AKTIP: variants seen among roughly 807,000 people sequenced by gnomAD.
AKTIP encodes AKT interacting protein, also known as AKT-interacting protein.
In AKTIP, 16 loss-of-function variants were observed where a neutral mutation model predicts 39.1. That is an observed-to-expected ratio of 0.41 (90% CI 0.28 to 0.62). The LOEUF (loss-of-function observed/expected upper bound fraction) is 0.62. Among genes scored for constraint, AKTIP ranks in the 20% least tolerant of loss-of-function variants. The pLI, the probability that AKTIP is intolerant of heterozygous loss-of-function variation, is 0.32. For synonymous variants in AKTIP, 93 were observed against 124.3 expected (o/e 0.75, Z 1.67); for missense variants, 262 against 356.6 (o/e 0.73, Z 2.14).
intron 2 of AKTIP, 120 bp downstream of exon 2, chr16:53,500,098 C>T (rs1227268940): frequency 4.4e-6 from 3 of 679,984 alleles, no homozygotes; most frequent in Middle Eastern, 2.5e-4. Flanking sequence ...ACTAGAAAAA[C>T]CAGGTAATTT....
Position 53,492,348 on chromosome 16 carries a change from T to C in AKTIP, c.*64A>G, listed in dbSNP as rs1234797310. The C allele has an allele frequency of 2.2e-6, 3 of 1,394,360 alleles. No individual in the cohort carries two copies. Among genetic ancestry groups the C allele is most frequent in the Non-Finnish European group, 2.0e-6 (2 of 988,662 alleles). The allele number at this position is 1,394,360 out of a possible 1,614,324, so 86.4% of individuals were successfully genotyped here. On this transcript the variant is annotated 3_prime_UTR_variant, in exon 10 of 10. Coordinates refer to ENST00000394657, the MANE Select transcript of AKTIP (RefSeq NM_022476.4). ...TACTCTTCAGGCAGTCCTCTGCCATTGGTCAGCTTGAACTAGGCCAGAGTC... is the reference window on the plus strand; with the variant it reads ...TACTCTTCAGGCAGTCCTCTGCCATCGGTCAGCTTGAACTAGGCCAGAGTC...
At chr16:53,503,681 T>TG (rs1962322838), upstream of AKTIP, among the ~76,000 whole-genome samples, 1 of 152,108 alleles carries the variant, frequency 6.6e-6, no homozygotes, top group Admixed American at 6.5e-5. Context: ...GCCAAGCTTT[T>TG]GGGGAGGGCC....
At chr16:53,499,711 C>G (rs548957007) in intron 2 of AKTIP, among the ~76,000 whole-genome samples, 1 of 152,020 alleles carries the variant, frequency 6.6e-6, no homozygotes, top group African/African-American at 2.4e-5. Flanking sequence ...CTGCCCGCCT[C>G]GGCCTCTCAA....
Position 53,498,747 on chromosome 16 carries a change from G to A in AKTIP, c.43-151C>T, listed in dbSNP as rs1598158259. ...AGATGACTAGAAAGTCCTTTGGGCA[G>A]GCAGGTCATATAAAGAGAAGACAAA... On this transcript the variant is annotated intron_variant, in intron 2 of 9. Coordinates refer to ENST00000394657, the MANE Select transcript of AKTIP (RefSeq NM_022476.4). The A allele has an allele frequency of 3.9e-6, 3 of 767,042 alleles. No individual in the cohort carries two copies. The East Asian group carries it at 7.9e-5, about 20-fold the overall frequency. The allele number at this position is 767,042 out of a possible 1,614,324, so 47.5% of individuals were successfully genotyped here.
chr16:53,502,228 C>T (rs1341413960), intron 1 of AKTIP, among the ~76,000 whole-genome samples: 2 of 152,222 alleles, frequency 1.3e-5, no homozygotes, highest in Non-Finnish European at 2.9e-5. Flanking sequence ...TTTCCAGCAG[C>T]AACATAATCA....
chr16:53,497,231 G>A (rs1328751055), intron 3 of AKTIP, among the ~76,000 whole-genome samples: 3 of 152,132 alleles, frequency 2.0e-5, no homozygotes, highest in East Asian at 1.9e-4. Context: ...TGGAGCCCCC[G>A]TGTGTGCCAG....
chr16:53,497,167 TTC>T (rs1199428850), intron 3 of AKTIP, among the ~76,000 whole-genome samples: 4 of 152,162 alleles, frequency 2.6e-5, no homozygotes, highest in Non-Finnish European at 4.4e-5. Flanking sequence ...TCTCCAAACT[TTC>T]TGTCCTTTTA....
chr16:53,504,255 TC>T (rs1270682670), upstream of AKTIP: 1 of 152,344 alleles, frequency 6.6e-6, no homozygotes, highest in Non-Finnish European at 1.5e-5. Flanking sequence ...ATCTCGGCAC[TC>T]CACTTCCACA....
At chr16:53,502,342 T>C (rs1962216815) in intron 1 of AKTIP, among the ~76,000 whole-genome samples, 1 of 152,246 alleles carries the variant, frequency 6.6e-6, no homozygotes, top group African/African-American at 2.4e-5. Context: ...TACATCCTTG[T>C]CACTTGGAAA....
At chr16:53,500,689 C>T (rs1409408046) in intron 1 of AKTIP, among the ~76,000 whole-genome samples, 3 of 152,112 alleles carry the variant, frequency 2.0e-5, no homozygotes, top group African/African-American at 7.2e-5. Flanking sequence ...ACAGTTAAGA[C>T]TTCTGAAATG....
rs1357570533 is a variant in AKTIP, at chr16:53,491,529, A to AACTT, written c.*879_*882dup. 1.2e-4 allele frequency: 19 copies of AACTT among 152,736 alleles called. No homozygotes were observed. Among genetic ancestry groups the AACTT allele is most frequent in the Admixed American group, 8.5e-4 (13 of 15,302 alleles). 9.5% of individuals were successfully genotyped at this position (152,736 alleles called of 1,614,324 possible). A position where few individuals can be genotyped will look rare whatever the true frequency, so the allele number is the denominator to read the frequency against. ...CTTCATATTGCTGAGAGAAATATGGAACTTACATTGTTCAATTAGAATAGT... is the reference window on the plus strand; with the variant it reads ...CTTCATATTGCTGAGAGAAATATGGAACTTACTTACATTGTTCAATTAGAATAGT... On this transcript the variant is annotated 3_prime_UTR_variant, in exon 10 of 10. Transcript: ENST00000394657.
Position 53,492,739 on chromosome 16 carries a change from T to G in AKTIP, c.725A>C (p.Asn242Thr). Residue 242 changes from asparagine (N) to threonine (T), a missense_variant, in exon 9 of 10, where the codon AAT becomes ACT. Coordinates refer to ENST00000394657, the MANE Select transcript of AKTIP (RefSeq NM_022476.4). ...TCTGGCTTCATCATGTACAGAAGGATTCCATGGAGAAAAGCTTAAGGAAGA... is the reference window on the plus strand; with the variant it reads ...TCTGGCTTCATCATGTACAGAAGGAGTCCATGGAGAAAAGCTTAAGGAAGA... ...DPYAISFSPW[N>T]PSVHDEAREK... 6.2e-7 allele frequency: 1 copy of G among 1,613,996 alleles called. No homozygotes were observed. The highest frequency in any genetic ancestry group is 8.5e-7 in the Non-Finnish European group (1 of 1,179,896).
At chr16:53,499,275 T>C (rs1308345176) in intron 2 of AKTIP, among the ~76,000 whole-genome samples, 1 of 152,194 alleles carries the variant, frequency 6.6e-6, no homozygotes. Context: ...ATGTATATCA[T>C]ATGCATTGCT....
intron 3 of AKTIP, among the ~76,000 whole-genome samples, chr16:53,496,514 T>G (rs1217551232): frequency 2.0e-5 from 3 of 150,914 alleles, no homozygotes; most frequent in Admixed American, 1.3e-4. Context: ...TTTTTTTTTT[T>G]TTTTGGTTTA....
At chr16:53,500,944 C>G (rs760039971) in intron 1 of AKTIP, among the ~76,000 whole-genome samples, 3 of 152,150 alleles carry the variant, frequency 2.0e-5, no homozygotes, top group East Asian at 1.9e-4. Flanking sequence ...TCAGAAGATA[C>G]GGACAACAGT....
At chr16:53,503,380 A>T (rs1311327286), upstream of AKTIP, 1 of 152,298 alleles carries the variant, frequency 6.6e-6, no homozygotes, top group East Asian at 1.9e-4. Flanking sequence ...CCCGTCAAAG[A>T]CGTTCTTCCG....
At chr16:53,495,024 G>C in intron 5 of AKTIP, 49 bp downstream of exon 5, 1 of 1,510,986 alleles carries the variant, frequency 6.6e-7, no homozygotes, top group Non-Finnish European at 9.2e-7. Context: ...AGCCCTTTCA[G>C]CCCTTCTCGC....
rs1363896683 is a variant in AKTIP at position 53,491,787 on chromosome 16, T to TAAC, written c.*622_*624dup. 6.6e-6 allele frequency: 1 copy of TAAC among 152,582 alleles called. No individual in the cohort carries two copies. Among genetic ancestry groups the TAAC allele is most frequent in the South Asian group, 2.1e-4 (1 of 4,800 alleles). 9.5% of individuals were successfully genotyped at this position (152,582 alleles called of 1,614,324 possible). The stretch of plus-strand genomic sequence containing the variant: ...TACCGGACTTCATTAGAAACCGTTG[T>TAAC]AACACTTTTTCTCCCTCCTGCCATA... On this transcript the variant is annotated 3_prime_UTR_variant, in exon 10 of 10. Coordinates refer to ENST00000394657, the MANE Select transcript of AKTIP (RefSeq NM_022476.4).
chr16:53,495,373 A>C (rs1316678633), intron 3 of AKTIP, 47 bp from the exon 4 acceptor site: 1 of 1,586,096 alleles, frequency 6.3e-7, no homozygotes. Flanking sequence ...CAAATGACAC[A>C]TGCAGATCAA....
Sources: allele counts gnomAD v4.1 joint callset (sites outside exome capture counted in the v4.1 genomes callset), GRCh38; gene constraint gnomAD v4.1.1; transcripts MANE v1.5; gene names NCBI Gene and HGNC (gene_info 2026-07-23, HGNC 2026-07-21).